Variants in NAV1 observed in about 807,000 individuals in gnomAD.
NAV1 encodes the protein pore membrane and/or filament interacting like protein 3.
A neutral mutation model predicts 175.2 loss-of-function variants in NAV1; 18 were observed. That is an observed-to-expected ratio of 0.10 (90% CI 0.07 to 0.15). The LOEUF is 0.15. Ranked by LOEUF, NAV1 falls within the 10% of genes least tolerant of loss-of-function variation. The pLI, the probability that NAV1 is intolerant of heterozygous loss-of-function variation, is 1.00. For synonymous variants in NAV1, 897 were observed against 978.7 expected (o/e 0.92, Z 1.56); for missense variants, 1,731 against 2,436.6 (o/e 0.71, Z 6.10).
intron 2 of NAV1, among the ~76,000 whole-genome samples, chr1:201,603,410 T>C (rs1267690592): frequency 3.3e-5 from 5 of 152,230 alleles, no homozygotes; most frequent in Non-Finnish European, 7.3e-5. Context: ...GAATGGTTGT[T>C]GTACGTTTTC....
In NAV1 at chr1:201,803,699, GA is replaced by G. The variant is rs770039235; in HGVS notation, c.3632del (p.Lys1211ArgfsTer17). 1.9e-6 allele frequency: 3 copies of G among 1,591,092 alleles called. No individual in the cohort carries two copies. Among genetic ancestry groups the G allele is most frequent in the East Asian group, 2.3e-5 (1 of 43,954 alleles). ...GCAAGGATGCTGATGCGAAAAAGAA[GA>G]AAAAAAAGAGTTGGGTAGGTAAAGG... On this transcript the variant is annotated frameshift_variant, in exon 16 of 30. Coordinates refer to ENST00000367296, the Ensembl canonical transcript of NAV1. LOFTEE classifies it high-confidence loss of function.
intron 1 of NAV1, among the ~76,000 whole-genome samples, chr1:201,681,429 T>C (rs1170448131): frequency 1.3e-5 from 2 of 152,188 alleles, no homozygotes; most frequent in Admixed American, 6.5e-5. Flanking sequence ...TCCCCAGGAA[T>C]GGGTTTAAAA....
chr1:201,588,844 T>C (rs1667109986), intron 2 of NAV1, among the ~76,000 whole-genome samples, 195 bp downstream of exon 2: 1 of 151,882 alleles, frequency 6.6e-6, no homozygotes, highest in African/African-American at 2.4e-5. Context: ...ATTTAAAAGA[T>C]TGGATTTTTT....
At chr1:201,629,628 C>T in intron 2 of NAV1, 121 bp downstream of exon 4, 1 of 529,772 alleles carries the variant, frequency 1.9e-6, no homozygotes, top group Non-Finnish European at 3.0e-6. Flanking sequence ...AGACATCAAC[C>T]TGTGAATTGC....
At chr1:201,669,924 G>C (rs1300798549) in intron 1 of NAV1, among the ~76,000 whole-genome samples, 3 of 151,992 alleles carry the variant, frequency 2.0e-5, no homozygotes, top group Non-Finnish European at 4.4e-5. Flanking sequence ...CCAGGATAAG[G>C]CTTCTGAACC....
In NAV1 at chr1:201,782,200, A is replaced by C; in HGVS notation, c.1688A>C (p.Asp563Ala). 6.2e-7 allele frequency: 1 copy of C among 1,602,358 alleles called. No individual in the cohort carries two copies. Among genetic ancestry groups the C allele is most frequent in the Non-Finnish European group, 8.5e-7 (1 of 1,174,168 alleles). ...GGCAAACCTGAGGGCAAAGCTACAG[A>C]CAAGGGTAAGCTTGCAGTGAAGAAT... is the stretch of plus-strand genomic sequence containing the variant. The change falls in exon 6 of 30, where the codon GAC (aspartate) becomes GCC (alanine). Residue 563 changes from aspartate to alanine, a missense_variant. Coordinates refer to ENST00000367296, the Ensembl canonical transcript of NAV1. This position sits in a 1 kb window ranked among gnomAD's most constrained non-coding sequence, Gnocchi z 5.4.
chr1:201,812,119 C>T lies in NAV1; in HGVS notation c.5024+145C>T. 1.2e-6 allele frequency: 1 copy of T among 816,664 alleles called. No individual in the cohort carries two copies. Among genetic ancestry groups the T allele is most frequent in the Non-Finnish European group, 2.0e-6 (1 of 496,714 alleles). The allele number at this position is 816,664 out of a possible 1,614,324, so 50.6% of individuals were successfully genotyped here. ...GGAAATAGAAAGTAGATGTATTTGT[C>T]ATGTCAGTTACAAGGTGGAGGAGGA... On this transcript the variant is annotated intron_variant, in intron 26 of 29. Coordinates refer to ENST00000367296, the Ensembl canonical transcript of NAV1. This position sits in a 1 kb window ranked among gnomAD's most constrained non-coding sequence, Gnocchi z 4.6.
rs577480373 is a variant in NAV1 at position 201,541,701 on chromosome 1, G to C, written c.-144+2359G>C. On this transcript the variant is annotated intron_variant, in intron 1 of 33. Coordinates refer to the NAV1 transcript ENST00000685211. ...AGACAGGAGAATTGCTTGAACCCGG[G>C]AGGCAGAGGTTGCAGTAAGCCGAGA... 1.6e-4 allele frequency among the ~76,000 whole-genome samples: 25 copies of C among 152,326 alleles called. No individual in the cohort carries two copies. In the South Asian group the frequency reaches 4.4e-3, roughly 27 times the overall value.
chr1:201,733,811 G>A (rs1571913868), intron 3 of NAV1, among the ~76,000 whole-genome samples: 1 of 152,318 alleles, frequency 6.6e-6, no homozygotes, highest in East Asian at 1.9e-4. Flanking sequence ...AGCAGAGTTA[G>A]CAAGGGGGCA....
intron 1 of NAV1, among the ~76,000 whole-genome samples, chr1:201,584,583 A>G (rs989836037): frequency 2.0e-5 from 3 of 152,210 alleles, no homozygotes; most frequent in African/African-American, 7.2e-5. Context: ...TACAGCTGCT[A>G]TCTCAGCAGC....
chr1:201,729,031 G>A (rs900107761), intron 3 of NAV1, among the ~76,000 whole-genome samples: 1 of 152,214 alleles, frequency 6.6e-6, no homozygotes, highest in Non-Finnish European at 1.5e-5. Context: ...CAATCAAGAT[G>A]GGTAAGGATC....
At chr1:201,648,563 TCTCCCCCTCCTC>T (rs1217855530) in exon 1 of NAV1, 1 of 1,251,410 alleles carries the variant, frequency 8.0e-7, no homozygotes, top group African/African-American at 1.6e-5. Context: ...CCGTCCTCTC[TCTCCCCCTCCTC>T]CTCCCCCGCC....
chr1:201,660,358 A>G (rs1480648401), intron 1 of NAV1, among the ~76,000 whole-genome samples: 2 of 152,052 alleles, frequency 1.3e-5, no homozygotes, highest in Non-Finnish European at 2.9e-5. Flanking sequence ...CTTGACAGGC[A>G]GCATCGAGAG....
chr1:201,617,775 A>T (rs1012669201), intron 2 of NAV1, among the ~76,000 whole-genome samples: 2 of 152,206 alleles, frequency 1.3e-5, no homozygotes, highest in African/African-American at 4.8e-5. Flanking sequence ...TTTTTGTCTA[A>T]CACTGAGATC....
At chr1:201,659,190 C>T (rs1669516455) in intron 1 of NAV1, among the ~76,000 whole-genome samples, 1 of 152,242 alleles carries the variant, frequency 6.6e-6, no homozygotes, top group South Asian at 2.1e-4. Flanking sequence ...TTTTCAACTG[C>T]ACGCTATTCA....
chr1:201,701,542 A>G (rs747890556), intron 1 of NAV1, among the ~76,000 whole-genome samples: 6 of 152,222 alleles, frequency 3.9e-5, no homozygotes, highest in Non-Finnish European at 7.3e-5. Context: ...AGCTGGTGTA[A>G]TGATGTGGCT....
intron 1 of NAV1, among the ~76,000 whole-genome samples, chr1:201,668,244 G>A (rs1202865596): frequency 4.6e-5 from 7 of 152,220 alleles, no homozygotes; most frequent in Admixed American, 1.3e-4. Context: ...CCATCCCTCC[G>A]CCTCCTGCCA....
chr1:201,721,222 A>G (rs1437004213), intron 3 of NAV1, among the ~76,000 whole-genome samples: 1 of 152,236 alleles, frequency 6.6e-6, no homozygotes, highest in Non-Finnish European at 1.5e-5. Flanking sequence ...ACCTTCCTGT[A>G]AACTGTGATG....
At chr1:201,728,612 A>G (rs1005807430) in intron 3 of NAV1, among the ~76,000 whole-genome samples, 14 of 151,604 alleles carry the variant, frequency 9.2e-5, no homozygotes, top group African/African-American at 3.1e-4. Context: ...AAAAAAAAAA[A>G]AAAGAAAAGA....
Sources: gnomAD v4.1 joint callset for allele counts (sites outside exome capture counted in the v4.1 genomes callset) on GRCh38, gnomAD v4.1.1 for gene constraint, Gnocchi (gnomAD v3.1) non-coding constraint, MANE v1.5 for transcripts, NCBI Gene and HGNC (gene_info 2026-07-23, HGNC 2026-07-21) for gene names.